CCDC91: variants seen among roughly 807,000 people sequenced by gnomAD.
CCDC91 encodes the protein coiled-coil domain-containing protein 91.
CCDC91 carries 48 observed loss-of-function variants against 63.2 expected under a neutral mutation model. That is an observed-to-expected ratio of 0.76 (90% CI 0.60 to 0.97). The LOEUF (loss-of-function observed/expected upper bound fraction) is 0.97. Among genes scored for constraint, CCDC91 ranks in the 50% least tolerant of loss-of-function variants. The pLI is 0.00. For synonymous variants in CCDC91, 167 were observed against 165.8 expected, an observed-to-expected ratio of 1.01 and a Z score of -0.06; for missense variants, 500 against 494.6, an observed-to-expected ratio of 1.01 and a Z score of -0.10.
intron 7 of CCDC91, among the ~76,000 whole-genome samples, chr12:28,379,791 A>G (rs542603659): frequency 4.6e-5 from 7 of 152,324 alleles, no homozygotes; most frequent in East Asian, 1.9e-4. Flanking sequence ...TGACCTAGCA[A>G]TCCCATTACT....
chr12:28,318,680 T>G (rs1455231553), intron 6 of CCDC91, among the ~76,000 whole-genome samples: 1 of 152,024 alleles, frequency 6.6e-6, no homozygotes, highest in African/African-American at 2.4e-5. Context: ...TTTTGAAATT[T>G]TGTGCTGGCT....
Position 28,362,280 on chromosome 12 carries a change from T to TTATATATATA in CCDC91, c.577-152_577-143dup, listed in dbSNP as rs71438746. 2.7e-4 allele frequency among the ~76,000 whole-genome samples: 35 copies of TTATATATATA among 131,826 alleles called. 1 individual carries two copies. Among genetic ancestry groups the TTATATATATA allele is most frequent in the Non-Finnish European group, 4.3e-4 (24 of 56,220 alleles). 86.5% of individuals were successfully genotyped at this position (131,826 alleles called of 152,430 possible). ...TTCTCCAATGCTTTTAAGCAAAGCT[T>TTATATATATA]TATATATATATATATGTTTTCTCTT... On this transcript the variant is annotated intron_variant, in intron 6 of 12. Transcript: ENST00000536442.
chr12:28,411,485 TA>T (rs1947313850), intron 8 of CCDC91, among the ~76,000 whole-genome samples: 1 of 152,192 alleles, frequency 6.6e-6, no homozygotes, highest in Non-Finnish European at 1.5e-5. Context: ...CCAGATCTAT[TA>T]TGTTTAGAGG....
chr12:28,285,377 A>C (rs1948850027), intron 3 of CCDC91, among the ~76,000 whole-genome samples: 1 of 152,166 alleles, frequency 6.6e-6, no homozygotes, highest in Admixed American at 6.5e-5. Flanking sequence ...AGCTAAGCTT[A>C]TGAAACTTAA....
intron 8 of CCDC91, among the ~76,000 whole-genome samples, chr12:28,435,899 C>T (rs1351743791): frequency 6.6e-6 from 1 of 151,610 alleles, no homozygotes; most frequent in African/African-American, 2.4e-5. Flanking sequence ...CTGAGGTTTC[C>T]TGTGTCTGAA....
chr12:28,381,539 G>A (rs923614889), intron 7 of CCDC91, among the ~76,000 whole-genome samples: 4 of 152,058 alleles, frequency 2.6e-5, no homozygotes, highest in African/African-American at 9.7e-5. Flanking sequence ...TATGCATAAA[G>A]TTGTCACATT....
intron 12 of CCDC91, among the ~76,000 whole-genome samples, chr12:28,510,034 G>T (rs1196248532): frequency 1.3e-5 from 2 of 151,890 alleles, no homozygotes; most frequent in Admixed American, 1.3e-4. Context: ...GGGTACCCAT[G>T]TAGAAGGGAG....
intron 1 of CCDC91, among the ~76,000 whole-genome samples, chr12:28,224,429 G>T (rs1265245534): frequency 6.6e-6 from 1 of 152,078 alleles, no homozygotes; most frequent in Non-Finnish European, 1.5e-5. Flanking sequence ...ACTGGTATAG[G>T]GGGGAGTATT....
intron 6 of CCDC91, among the ~76,000 whole-genome samples, chr12:28,340,005 T>C (rs1366541776): frequency 6.6e-6 from 1 of 152,208 alleles, no homozygotes; most frequent in Non-Finnish European, 1.5e-5. Flanking sequence ...AGCTATATTT[T>C]GTATATAGTA....
chr12:28,422,882 G>A (rs1444645989), intron 8 of CCDC91, among the ~76,000 whole-genome samples: 1 of 152,060 alleles, frequency 6.6e-6, no homozygotes, highest in African/African-American at 2.4e-5. Flanking sequence ...TTGTAATAGT[G>A]AGAACTAAAT....
At chr12:28,545,626 G>C (rs1488717935) in intron 12 of CCDC91, among the ~76,000 whole-genome samples, 3 of 152,044 alleles carry the variant, frequency 2.0e-5, no homozygotes, top group African/African-American at 7.2e-5. Flanking sequence ...TCTGGGGAGG[G>C]AGTGGTAAAG....
intron 1 of CCDC91, chr12:28,236,886 A>G (rs1944982490): frequency 6.6e-6 from 1 of 152,138 alleles, no homozygotes; most frequent in South Asian, 2.1e-4. Context: ...ATGTAACAAT[A>G]TAATGGTACA....
At chr12:28,280,203 ATAC>A (rs1351283328) in intron 3 of CCDC91, among the ~76,000 whole-genome samples, 1 of 152,056 alleles carries the variant, frequency 6.6e-6, no homozygotes, top group African/African-American at 2.4e-5. Context: ...TATTTTGATA[ATAC>A]TATAAGATTT....
intron 8 of CCDC91, among the ~76,000 whole-genome samples, chr12:28,446,511 G>A (rs1565986104): frequency 6.6e-6 from 1 of 152,106 alleles, no homozygotes; most frequent in Admixed American, 6.5e-5. Context: ...ATAGTTTTTT[G>A]TAGTTTTAAT....
intron 1 of CCDC91, among the ~76,000 whole-genome samples, chr12:28,234,497 A>C (rs1160210366): frequency 6.6e-6 from 1 of 152,192 alleles, no homozygotes; most frequent in Non-Finnish European, 1.5e-5. Context: ...ATTTTTAAAG[A>C]TATTTAGTGA....
intron 3 of CCDC91, among the ~76,000 whole-genome samples, chr12:28,262,258 G>A (rs1592135219): frequency 1.3e-5 from 2 of 151,934 alleles, no homozygotes; most frequent in South Asian, 4.2e-4. Context: ...TAATCCATAT[G>A]GAAAATATTT....
intron 11 of CCDC91, among the ~76,000 whole-genome samples, chr12:28,473,194 C>G (rs1349176457): frequency 6.6e-6 from 1 of 152,088 alleles, no homozygotes; most frequent in Non-Finnish European, 1.5e-5. Context: ...TTCAGAAAAA[C>G]TTTCAGTCAA....
At chr12:28,462,198 A>T (rs1344702715) in intron 11 of CCDC91, among the ~76,000 whole-genome samples, 1 of 152,086 alleles carries the variant, frequency 6.6e-6, no homozygotes, top group Non-Finnish European at 1.5e-5. Context: ...TGTTACTGAG[A>T]TAAAAAGCAA....
intron 12 of CCDC91, among the ~76,000 whole-genome samples, chr12:28,543,645 G>A (rs58416107): frequency 0.19 from 28,674 of 151,832 alleles, 3,548 homozygotes; most frequent in Non-Finnish European, 0.28. Flanking sequence ...TGCTTTAAAT[G>A]CCTTCTATAT....
Sources: gnomAD v4.1 joint callset for allele counts (sites outside exome capture counted in the v4.1 genomes callset) on GRCh38, gnomAD v4.1.1 for gene constraint, MANE v1.5 for transcripts, NCBI Gene and HGNC (gene_info 2026-07-23, HGNC 2026-07-21) for gene names.